Variants in RETREG1 observed in about 807,000 individuals in gnomAD.
RETREG1 encodes family with sequence similarity 134 member B.
A neutral mutation model predicts 54.8 loss-of-function variants in RETREG1; 44 were observed. The ratio of observed to expected loss-of-function variants is 0.80; its 90% CI spans 0.63 to 1.03. RETREG1 has a LOEUF of 1.03. Ranked by LOEUF, RETREG1 falls within the 50% of genes least tolerant of loss-of-function variation. The probability of loss-of-function intolerance (pLI) is 0.00; values close to 1 mark genes in which losing one functional copy is unlikely to be tolerated. For missense variants in RETREG1, 554 were observed against 605.1 expected (o/e 0.92, Z 0.89); for synonymous variants, 217 against 238.5 (o/e 0.91, Z 0.83).
intron 1 of RETREG1, among the ~76,000 whole-genome samples, chr5:16,612,591 T>C (rs933602210): frequency 1.4e-4 from 22 of 152,248 alleles, no homozygotes; most frequent in Non-Finnish European, 3.1e-4. Flanking sequence ...ATGAGTGAGA[T>C]AGTATTATCT....
At position 16,483,323 on chromosome 5, in the gene RETREG1, T is replaced by C. The variant is rs775401569; in HGVS notation, c.585+23A>G. The stretch of plus-strand genomic sequence containing the variant: ...CCAAGTAACTGAACATTTTAAAACA[T>C]ACTCCTTTACTGGAAAACTTGCCTT... On this transcript the variant is annotated intron_variant, in intron 4 of 8. Transcript: ENST00000306320. 1.1e-5 allele frequency: 17 copies of C among 1,612,438 alleles called. No homozygotes were observed. The South Asian group carries it at 1.6e-4, about 16-fold the overall frequency.
intron 3 of RETREG1, among the ~76,000 whole-genome samples, chr5:16,506,040 C>T (rs1739939752): frequency 6.6e-6 from 1 of 152,222 alleles, no homozygotes; most frequent in African/African-American, 2.4e-5. Flanking sequence ...GGACCTGCCC[C>T]CTCTCAGGCC....
At position 16,561,273 on chromosome 5, in the gene RETREG1, G is replaced by A. The variant is rs549087546; in HGVS notation, c.458+4490C>T. ...AGCACTTTGGGAGGCCGAGTCGGGC[G>A]GATCATGAGGTCAGGAGATCAAGAC... On this transcript the variant is annotated intron_variant, in intron 3 of 8. Coordinates refer to ENST00000306320, the MANE Select transcript of RETREG1 (RefSeq NM_001034850.3). This position sits in a 1 kb window ranked among gnomAD's most constrained non-coding sequence, Gnocchi z 4.2. Among the ~76,000 whole-genome samples the A allele has an allele frequency of 6.6e-5, 10 of 152,106 alleles. No individual in the cohort carries two copies. Among genetic ancestry groups the A allele is most frequent in the South Asian group, 4.2e-4 (2 of 4,814 alleles).
At chr5:16,506,522 G>A (rs1328507909) in intron 3 of RETREG1, among the ~76,000 whole-genome samples, 19 of 145,412 alleles carry the variant, frequency 1.3e-4, no homozygotes, top group African/African-American at 4.9e-4. Flanking sequence ...CACCCAGGTT[G>A]GAGTACAGTG....
intron 3 of RETREG1, among the ~76,000 whole-genome samples, chr5:16,492,206 C>T (rs1561086132): frequency 1.6e-5 from 2 of 123,472 alleles, no homozygotes; most frequent in Non-Finnish European, 3.6e-5. Flanking sequence ...TGTCCTCTCT[C>T]TCTCTCTCTC....
chr5:16,514,490 A>G (rs912854706), intron 3 of RETREG1, among the ~76,000 whole-genome samples: 2 of 152,100 alleles, frequency 1.3e-5, no homozygotes, highest in African/African-American at 4.8e-5. Flanking sequence ...TTTTCCATTC[A>G]TTAGATATTT....
chr5:16,488,955 C>T (rs149424884), intron 3 of RETREG1, among the ~76,000 whole-genome samples: 4 of 151,994 alleles, frequency 2.6e-5, no homozygotes, highest in Non-Finnish European at 5.9e-5. Context: ...TGGTGGCATG[C>T]GCCTGTAGTC....
chr5:16,589,597 C>T (rs1742706033), intron 1 of RETREG1, among the ~76,000 whole-genome samples: 1 of 152,170 alleles, frequency 6.6e-6, no homozygotes, highest in Admixed American at 6.5e-5. Flanking sequence ...AACTCCTGAC[C>T]TCAAGTGATC....
chr5:16,476,553 T>C (rs1738544899), intron 8 of RETREG1, among the ~76,000 whole-genome samples: 4 of 152,138 alleles, frequency 2.6e-5, no homozygotes, highest in Non-Finnish European at 5.9e-5. Flanking sequence ...ACATACACCA[T>C]GGAATACTAT....
chr5:16,596,202 A>G (rs1158885347), intron 1 of RETREG1, among the ~76,000 whole-genome samples: 33 of 152,222 alleles, frequency 2.2e-4, no homozygotes, highest in Non-Finnish European at 2.9e-5. Flanking sequence ...GAAACAAATA[A>G]TATGGTTTAC....
At chr5:16,542,626 C>A (rs1741282846) in intron 3 of RETREG1, among the ~76,000 whole-genome samples, 1 of 152,138 alleles carries the variant, frequency 6.6e-6, no homozygotes, top group Non-Finnish European at 1.5e-5. Context: ...ATCTATAAGG[C>A]ATCTTCAAAG....
intron 3 of RETREG1, among the ~76,000 whole-genome samples, chr5:16,500,711 TC>T (rs1379039759): frequency 6.6e-6 from 1 of 152,046 alleles, no homozygotes; most frequent in Admixed American, 6.6e-5. Context: ...ATCCTTGCTT[TC>T]CCCCTAAAGA....
chr5:16,549,413 T>G (rs893387360), intron 3 of RETREG1, among the ~76,000 whole-genome samples: 1 of 152,196 alleles, frequency 6.6e-6, no homozygotes, highest in African/African-American at 2.4e-5. Flanking sequence ...CCTATGTATT[T>G]ATTGAACCGC....
intron 2 of RETREG1, 86 bp from the exon 3 acceptor site, chr5:16,565,879 T>C: frequency 7.1e-7 from 1 of 1,407,738 alleles, no homozygotes. Context: ...GTCCAAGCTA[T>C]TTAAAGTGGA....
rs779449317 is a variant in RETREG1 at position 16,572,119 on chromosome 5, C to T, written c.321-17G>A. ...GCAAGGAACCTGCAACAGCGAAACA[C>T]AAATCAGTATTTCAATTTGAGGATT... On this transcript the variant is annotated splice_polypyrimidine_tract_variant and intron_variant, in intron 1 of 8. Transcript: ENST00000306320. 6.4e-7 allele frequency: 1 copy of T among 1,558,496 alleles called. No homozygotes were observed. Among genetic ancestry groups the T allele is most frequent in the Non-Finnish European group, 8.9e-7 (1 of 1,129,556 alleles).
intron 3 of RETREG1, among the ~76,000 whole-genome samples, chr5:16,524,036 G>C (rs193191035): frequency 1.3e-5 from 2 of 151,996 alleles, no homozygotes; most frequent in African/African-American, 4.8e-5. Context: ...ACCCTGCCCC[G>C]CCTTCCATCT....
intron 1 of RETREG1, among the ~76,000 whole-genome samples, chr5:16,600,549 G>A (rs1743026162): frequency 6.6e-6 from 1 of 152,140 alleles, no homozygotes; most frequent in Non-Finnish European, 1.5e-5. Flanking sequence ...CATCTCCCTG[G>A]CACAGCTCCC....
At chr5:16,582,110 G>T (rs758228627) in intron 1 of RETREG1, among the ~76,000 whole-genome samples, 11 of 152,168 alleles carry the variant, frequency 7.2e-5, no homozygotes, top group Non-Finnish European at 1.3e-4. Flanking sequence ...ACAATTCTAT[G>T]CTATACATAA....
intron 3 of RETREG1, among the ~76,000 whole-genome samples, chr5:16,496,674 A>T (rs769096877): frequency 5.9e-5 from 9 of 152,210 alleles, no homozygotes; most frequent in Non-Finnish European, 1.3e-4. Flanking sequence ...AATCTGCCAC[A>T]ACAATTCTCT....
Sources: allele counts gnomAD v4.1 joint callset (sites outside exome capture counted in the v4.1 genomes callset), GRCh38; gene constraint gnomAD v4.1.1; non-coding constraint Gnocchi (gnomAD v3.1); transcripts MANE v1.5; gene names NCBI Gene and HGNC (gene_info 2026-07-23, HGNC 2026-07-21).